The following NLGN4X variants were observed in gnomAD, a reference collection of about 807,000 sequenced individuals.
NLGN4X encodes the protein neuroligin 4 X-linked.
A neutral mutation model predicts 40.3 loss-of-function variants in NLGN4X; 3 were observed. That is an observed-to-expected ratio of 0.07 (90% confidence interval 0.03 to 0.19). The LOEUF is 0.19. Among genes scored for constraint, NLGN4X ranks in the 10% least tolerant of loss-of-function variants. The probability of loss-of-function intolerance (pLI) is 1.00; values close to 1 mark genes in which losing one functional copy is unlikely to be tolerated. For synonymous variants in NLGN4X, 270 were observed against 306.8 expected (o/e 0.88, Z 1.25); for missense variants, 382 against 708.3 (o/e 0.54, Z 5.23).
intron 1 of NLGN4X, among the ~76,000 whole-genome samples, chrX:6,214,282 T>C (rs766850717): frequency 9.0e-6 from 1 of 111,658 alleles, no homozygotes; most frequent in African/African-American, 3.3e-5. Context: ...TGAGAAAGAC[T>C]AATCATCACA....
chrX:6,168,861 G>T (rs2040549953), intron 1 of NLGN4X, among the ~76,000 whole-genome samples: 1 of 111,607 alleles, frequency 9.0e-6, no homozygotes, highest in Admixed American at 9.6e-5. Flanking sequence ...CGACCTTTTG[G>T]GCTCAAGCAA....
At chrX:6,227,878 T>C (rs1435507789) in intron 1 of NLGN4X, 2 of 109,334 alleles carry the variant, frequency 1.8e-5, no homozygotes, top group Non-Finnish European at 3.8e-5. Flanking sequence ...TTTCCCTTTT[T>C]CTTTCTGGTT....
chrX:6,151,114 G>T lies in NLGN4X; in HGVS notation c.353C>A (p.Ser118Tyr), dbSNP rs977524047. ...GATGGGCAGCATGTCATGCAGTAAG[G>T]ATCTCTCATCCAGGTGCTGGGGGCA... is the stretch of plus-strand genomic sequence containing the variant. ...AVCPQHLDER[S>Y]LLHDMLPIWF... Residue 118 changes from serine (S) to tyrosine (Y), a missense_variant, in exon 2 of 6, where the codon TCC (serine) becomes TAC (tyrosine). By Grantham distance (144) the Ser-to-Tyr change is moderately radical. Transcript: ENST00000381095. 8.3e-7 allele frequency: 1 copy of T among 1,211,436 alleles called. No individual in the cohort carries two copies. The highest frequency in any genetic ancestry group is 1.7e-5 in the African/African-American group (1 of 57,794).
chrX:6,003,870 T>C, intron 3 of NLGN4X, among the ~76,000 whole-genome samples: 1 of 111,337 alleles, frequency 9.0e-6, no homozygotes, highest in Non-Finnish European at 1.9e-5. Flanking sequence ...TACCCTCTAC[T>C]AGATGCTGCC....
At chrX:6,008,081 T>C (rs1355592368) in intron 3 of NLGN4X, among the ~76,000 whole-genome samples, 1 of 112,288 alleles carries the variant, frequency 8.9e-6, no homozygotes, top group Non-Finnish European at 1.9e-5. Context: ...TCAGACTTTA[T>C]TTTTCTTCTA....
chrX:6,190,969 C>T (rs1405609779), intron 1 of NLGN4X, among the ~76,000 whole-genome samples: 1 of 111,248 alleles, frequency 9.0e-6, no homozygotes, highest in African/African-American at 3.3e-5. Context: ...AGATGTACCC[C>T]GAAGTGTGGC....
In NLGN4X at chrX:5,929,871, G is replaced by C. The variant is rs193235772; in HGVS notation, c.626-20632C>G. On this transcript the variant is annotated intron_variant, in intron 3 of 5. Transcript: ENST00000381095. ...TGCTTAGATACTTAGGTTTGATAAA[G>C]AGTGGACAGTCATTGGAAAGTATGA... Among the ~76,000 whole-genome samples the C allele has an allele frequency of 6.7e-4, 75 of 112,438 alleles. 2 individuals are homozygous for C. The East Asian group carries it at 0.019, about 29-fold the overall frequency.
intron 3 of NLGN4X, among the ~76,000 whole-genome samples, chrX:5,978,783 C>G: frequency 9.0e-6 from 1 of 111,418 alleles, no homozygotes; most frequent in South Asian, 3.8e-4. Flanking sequence ...AGTTATGAAG[C>G]CATCACCACA....
chrX:6,197,443 G>GTTTTTTTTTTTTTTTTTTT (rs1602407338), intron 1 of NLGN4X, among the ~76,000 whole-genome samples: 1 of 82,597 alleles, frequency 1.2e-5, no homozygotes, highest in African/African-American at 4.7e-5. Flanking sequence ...TTTTTTTTTT[G>GTTTTTTTTTTTTTTTTTTT]TATTTTTTAT....
At chrX:6,121,354 G>A (rs1427316608) in intron 2 of NLGN4X, among the ~76,000 whole-genome samples, 1 of 111,752 alleles carries the variant, frequency 8.9e-6, no homozygotes, top group African/African-American at 3.3e-5. Context: ...TCAGGTCTTT[G>A]TAATTGTCAT....
intron 5 of NLGN4X, among the ~76,000 whole-genome samples, chrX:5,900,880 T>C (rs1286765614): frequency 2.7e-5 from 3 of 111,063 alleles, no homozygotes; most frequent in Non-Finnish European, 5.7e-5. Context: ...GCGCCCAGCA[T>C]AGCCATACAG....
chrX:5,988,103 A>G (rs978624130), intron 3 of NLGN4X, among the ~76,000 whole-genome samples: 3 of 111,498 alleles, frequency 2.7e-5, no homozygotes, highest in Non-Finnish European at 5.6e-5. Context: ...GTACTGCAAA[A>G]GCCTTATCCA....
chrX:6,181,673 C>G (rs1017772828), intron 1 of NLGN4X, among the ~76,000 whole-genome samples: 2 of 111,414 alleles, frequency 1.8e-5, no homozygotes, highest in African/African-American at 6.5e-5. Flanking sequence ...CCAATTAATC[C>G]TTTTACACAT....
intron 2 of NLGN4X, among the ~76,000 whole-genome samples, chrX:6,065,320 G>A (rs1243764507): frequency 4.7e-5 from 5 of 106,031 alleles, no homozygotes; most frequent in Non-Finnish European, 9.6e-5. Flanking sequence ...AACAGAAAGA[G>A]AGTACTGGTT....
rs965019824 is a variant in NLGN4X at position 5,890,469 on chromosome X, T to C, written c.*2348A>G. 5 of 278,604 alleles carry C rather than the reference T, an allele frequency of 1.8e-5. No individual in the cohort carries two copies. Among genetic ancestry groups the C allele is most frequent in the Non-Finnish European group, 3.4e-5 (5 of 148,610 alleles). The allele number at this position is 278,604 out of a possible 1,213,427, so 23.0% of individuals were successfully genotyped here. A position where few individuals can be genotyped will look rare whatever the true frequency, so the allele number is the denominator to read the frequency against. On this transcript the variant is annotated 3_prime_UTR_variant, in exon 6 of 6. Transcript: ENST00000381095. ...AAATGTCACAAGCCTGACGCGTTAC[T>C]GTACATATTGCTAGCAGGAGACAAC... is the stretch of plus-strand genomic sequence containing the variant.
At chrX:5,986,037 TA>T (rs1212033528) in intron 3 of NLGN4X, among the ~76,000 whole-genome samples, 1 of 111,874 alleles carries the variant, frequency 8.9e-6, no homozygotes. Context: ...AAAACATCCA[TA>T]AACATCGTGG....
At chrX:5,997,215 A>C (rs1304142041) in intron 3 of NLGN4X, among the ~76,000 whole-genome samples, 1 of 107,106 alleles carries the variant, frequency 9.3e-6, no homozygotes, top group Non-Finnish European at 1.9e-5. Context: ...ATATATATCT[A>C]TATATATAAA....
intron 3 of NLGN4X, among the ~76,000 whole-genome samples, chrX:5,964,914 C>A (rs2049806063): frequency 8.9e-6 from 1 of 112,185 alleles, no homozygotes; most frequent in Non-Finnish European, 1.9e-5. Flanking sequence ...AGAAGAGAAC[C>A]TCTTCTAGAT....
chrX:6,015,452 G>A (rs757128117), intron 3 of NLGN4X, among the ~76,000 whole-genome samples: 5 of 110,577 alleles, frequency 4.5e-5, no homozygotes, highest in Non-Finnish European at 9.5e-5. Context: ...TTTAAATCCA[G>A]GGCTCATTAC....
Sources: gnomAD v4.1 joint callset for allele counts (sites outside exome capture counted in the v4.1 genomes callset) on GRCh38, gnomAD v4.1.1 for gene constraint, MANE v1.5 for transcripts, NCBI Gene and HGNC (gene_info 2026-07-23, HGNC 2026-07-21) for gene names.